SUSD1: variants seen among roughly 807,000 people sequenced by gnomAD.
SUSD1 encodes the protein sushi domain-containing protein 1.
In SUSD1, 65 loss-of-function variants were observed where a neutral mutation model predicts 86.9. The observed-to-expected ratio is 0.75, with a 90% CI of 0.61 to 0.92. The LOEUF (loss-of-function observed/expected upper bound fraction) is 0.92. SUSD1 is among the 40% of genes least tolerant of loss of function. The pLI, the probability that SUSD1 is intolerant of heterozygous loss-of-function variation, is 0.00. For missense variants in SUSD1, 850 were observed against 929.7 expected, an observed-to-expected ratio of 0.91 and a Z score of 1.11; for synonymous variants, 346 against 350.0, an observed-to-expected ratio of 0.99 and a Z score of 0.13.
chr9:112,073,440 G>GTATT (rs1297789747), intron 12 of SUSD1, among the ~76,000 whole-genome samples: 1 of 151,904 alleles, frequency 6.6e-6, no homozygotes, highest in Non-Finnish European at 1.5e-5. Context: ...CCACATTTAC[G>GTATT]TATGTATTGG....
In SUSD1 at chr9:112,048,004, A is replaced by C. The variant is rs1217201876; in HGVS notation, c.2149+4395T>G. Among the ~76,000 whole-genome samples, 5 of 152,142 alleles carry C rather than the reference A, an allele frequency of 3.3e-5. No homozygotes were observed. The South Asian group carries it at 6.2e-4, about 19-fold the overall frequency. ...ATAGGACTAGGGTCCCCATTTTCTT[A>C]CTGGCTGCAGCCAGGCCTTGCTCAG... is the stretch of plus-strand genomic sequence containing the variant. On this transcript the variant is annotated intron_variant, in intron 15 of 16. Coordinates refer to ENST00000374270, the MANE Select transcript of SUSD1 (RefSeq NM_022486.5).
chr9:112,085,575 C>G (rs184641133), intron 10 of SUSD1, among the ~76,000 whole-genome samples: 1 of 152,132 alleles, frequency 6.6e-6, no homozygotes, highest in Admixed American at 6.5e-5. Flanking sequence ...CAAACTACTA[C>G]CTATACTTCC....
At chr9:112,145,360 A>G (rs569874790) in intron 3 of SUSD1, among the ~76,000 whole-genome samples, 1 of 150,498 alleles carries the variant, frequency 6.6e-6, no homozygotes, top group Non-Finnish European at 1.5e-5. Flanking sequence ...GCTTATTGCA[A>G]CCGCTGCCTC....
chr9:112,142,938 TCCTTTAAGTTTATGAATTTTAG>T (rs1832641073), intron 4 of SUSD1, among the ~76,000 whole-genome samples: 2 of 140,674 alleles, frequency 1.4e-5, no homozygotes, highest in African/African-American at 5.2e-5. Context: ...CTAATAAAAA[TCCTTTAAGTTTATGAATTTTAG>T]CTTTTTTTTT....
chr9:112,161,580 C>T (rs1016723586), intron 1 of SUSD1, among the ~76,000 whole-genome samples: 2 of 151,238 alleles, frequency 1.3e-5, no homozygotes, highest in African/African-American at 2.4e-5. Flanking sequence ...CCCAGCACTT[C>T]GGGAGGTCAA....
rs2131883182 is a variant in SUSD1, at chr9:112,175,260, G to GC, written c.-26dup. 1 of 1,141,214 alleles carries GC rather than the reference G, an allele frequency of 8.8e-7. No homozygotes were observed. The highest frequency in any genetic ancestry group is 4.3e-5 in the East Asian group (1 of 23,428). 70.7% of individuals were successfully genotyped at this position (1,141,214 alleles called of 1,614,324 possible). On this transcript the variant is annotated 5_prime_UTR_variant, in exon 1 of 17. Coordinates refer to ENST00000374270, the MANE Select transcript of SUSD1 (RefSeq NM_022486.5). The surrounding 1 kb of genome is among the most constrained non-coding windows in gnomAD (Gnocchi z 4.7). ...TGCCGCCGCCGGTCCCTCCCGGCGC[G>GC]CCCGCGCCTCCTCCCGGGGCCCTCA...
rs902548577 is a variant in SUSD1 at position 112,041,392 on chromosome 9, T to C, written c.*100A>G. On this transcript the variant is annotated 3_prime_UTR_variant, in exon 17 of 17. Coordinates refer to ENST00000374270, the MANE Select transcript of SUSD1 (RefSeq NM_022486.5). ...GAAAGTTGCAGGCCCACATGCTCCC[T>C]GGACGGAAGTCACACGGAGCCTCTG... 2.7e-5 allele frequency: 21 copies of C among 775,918 alleles called. No individual in the cohort carries two copies. Among genetic ancestry groups the C allele is most frequent in the Admixed American group, 8.5e-5 (5 of 58,542 alleles). 48.1% of individuals were successfully genotyped at this position (775,918 alleles called of 1,614,324 possible).
chr9:112,159,666 A>G (rs1833482983), intron 1 of SUSD1, among the ~76,000 whole-genome samples: 1 of 152,246 alleles, frequency 6.6e-6, no homozygotes, highest in East Asian at 1.9e-4. Context: ...AATAATTCTT[A>G]GGACAAAGGG....
intron 5 of SUSD1, among the ~76,000 whole-genome samples, chr9:112,130,114 C>T (rs897639300): frequency 6.6e-6 from 1 of 152,180 alleles, no homozygotes; most frequent in African/African-American, 2.4e-5. Flanking sequence ...GTGGCTCACG[C>T]CTGTAATCCC....
At chr9:112,122,536 C>G (rs576773437) in intron 6 of SUSD1, among the ~76,000 whole-genome samples, 1 of 84,864 alleles carries the variant, frequency 1.2e-5, no homozygotes, top group Non-Finnish European at 2.2e-5. Context: ...CTCAAGTGAT[C>G]CACTGCCTCA....
intron 10 of SUSD1, among the ~76,000 whole-genome samples, chr9:112,086,575 A>C (rs1829994400): frequency 6.8e-6 from 1 of 146,594 alleles, no homozygotes; most frequent in Non-Finnish European, 1.5e-5. Flanking sequence ...AGAGAGAGAG[A>C]GAGAGAGAGA....
intron 6 of SUSD1, among the ~76,000 whole-genome samples, chr9:112,115,814 A>AG (rs1554766263): frequency 1.2e-3 from 24 of 19,260 alleles, no homozygotes; most frequent in African/African-American, 4.8e-3. Context: ...ATTGCAAAAA[A>AG]AAAAAAAAAG....
intron 1 of SUSD1, among the ~76,000 whole-genome samples, chr9:112,166,226 C>G (rs1220889819): frequency 6.6e-6 from 1 of 152,220 alleles, no homozygotes; most frequent in East Asian, 1.9e-4. Flanking sequence ...GGACAACTCT[C>G]TGACCACACG....
intron 8 of SUSD1, 80 bp from the exon 9 acceptor site, chr9:112,102,365 T>C (rs951951226): frequency 3.0e-6 from 2 of 658,606 alleles, no homozygotes; most frequent in African/African-American, 3.8e-5. Flanking sequence ...AGTGAAACTC[T>C]GACACCTTAA....
rs561379047 is a variant in SUSD1 at position 112,098,401 on chromosome 9, C to T, written c.1474+69G>A. On this transcript the variant is annotated intron_variant, in intron 10 of 16. Coordinates refer to ENST00000374270, the MANE Select transcript of SUSD1 (RefSeq NM_022486.5). ...ACTCCCAAACTAGCACTCTTATGCC[C>T]GCCCACACTGCTCAATTCACATAGG... 97 of 1,515,668 alleles carry T rather than the reference C, an allele frequency of 6.4e-5. No homozygotes were observed. In the African/African-American group the frequency reaches 1.1e-3, roughly 17 times the overall value. The allele number at this position is 1,515,668 out of a possible 1,614,324, so 93.9% of individuals were successfully genotyped here.
intron 1 of SUSD1, among the ~76,000 whole-genome samples, chr9:112,174,763 C>T (rs1381635657): frequency 6.6e-6 from 1 of 152,152 alleles, no homozygotes; most frequent in Non-Finnish European, 1.5e-5. Context: ...AGCGTGACAG[C>T]GCCGCAGAAC....
At chr9:112,085,076 T>TA (rs1210803926) in intron 10 of SUSD1, among the ~76,000 whole-genome samples, 1 of 152,210 alleles carries the variant, frequency 6.6e-6, no homozygotes, top group African/African-American at 2.4e-5. Context: ...GACATCTTCT[T>TA]AATCTTTGCA....
At chr9:112,119,016 A>G (rs1057088823) in intron 6 of SUSD1, among the ~76,000 whole-genome samples, 5 of 152,204 alleles carry the variant, frequency 3.3e-5, no homozygotes, top group African/African-American at 1.2e-4. Context: ...CTGATGTAGG[A>G]GAAAGAATGT....
intron 9 of SUSD1, among the ~76,000 whole-genome samples, chr9:112,099,593 C>T (rs936773810): frequency 1.7e-4 from 26 of 152,286 alleles, no homozygotes; most frequent in East Asian, 5.8e-4. Flanking sequence ...CCATCCTCTA[C>T]GCACTGCCAG....
Sources: allele counts gnomAD v4.1 joint callset (sites outside exome capture counted in the v4.1 genomes callset), GRCh38; gene constraint gnomAD v4.1.1; non-coding constraint Gnocchi (gnomAD v3.1); transcripts MANE v1.5; gene names NCBI Gene and HGNC (gene_info 2026-07-23, HGNC 2026-07-21).